Variants in PIK3C2B observed in about 807,000 individuals in gnomAD.
The protein encoded by PIK3C2B is phosphatidylinositol-4-phosphate 3-kinase catalytic subunit type 2 beta.
PIK3C2B carries 83 observed loss-of-function variants against 184.3 expected under a neutral mutation model. The ratio of observed to expected loss-of-function variants is 0.45; its 90% CI spans 0.38 to 0.54. The LOEUF is 0.54. Ranked by LOEUF, PIK3C2B falls within the 20% of genes least tolerant of loss-of-function variation. The pLI is 0.00. For missense variants in PIK3C2B, 1,736 were observed against 2,113.5 expected, an observed-to-expected ratio of 0.82 and a Z score of 3.50; for synonymous variants, 779 against 837.6, an observed-to-expected ratio of 0.93 and a Z score of 1.21.
At chr1:204,455,076 C>G (rs2103496524) in intron 11 of PIK3C2B, among the ~76,000 whole-genome samples, 1 of 152,348 alleles carries the variant, frequency 6.6e-6, no homozygotes, top group East Asian at 1.9e-4. Context: ...TTATAGAAAG[C>G]TCCAGCCCAT....
At chr1:204,489,050 C>T (rs1657828173) in intron 1 of PIK3C2B, among the ~76,000 whole-genome samples, 1 of 152,154 alleles carries the variant, frequency 6.6e-6, no homozygotes, top group South Asian at 2.1e-4. Flanking sequence ...TTTTTTCTCA[C>T]AGTCCCCTTC....
At chr1:204,470,781 A>G (rs1019176360) in intron 1 of PIK3C2B, among the ~76,000 whole-genome samples, 1 of 152,122 alleles carries the variant, frequency 6.6e-6, no homozygotes. Flanking sequence ...TGTCTATACA[A>G]TTGAATACTA....
rs143330432 is a variant in PIK3C2B at position 204,464,035 on chromosome 1, G to A, written c.1287C>T (p.Cys429=). 38 of 1,613,940 alleles carry A rather than the reference G, an allele frequency of 2.4e-5. No individual in the cohort carries two copies. The highest frequency in any genetic ancestry group is 1.7e-4 in the Admixed American group (10 of 59,984). ...ACTTCTGCAGGAACTCCTCCAGCCC[G>A]CAGGGCTTTAGCACAAAGTCACCCA... ...VDVGDFVLKP[C]GLEEFLQNKH... The change falls in exon 5 of 33, where the codon TGC becomes TGT. Residue 429 remains cysteine (C), a synonymous_variant. Coordinates refer to ENST00000684373, the MANE Select transcript of PIK3C2B (RefSeq NM_001377334.1).
Position 204,433,095 on chromosome 1 carries a change from A to C in PIK3C2B, c.3953+221T>G, listed in dbSNP as rs1675155065. Among the ~76,000 whole-genome samples, 1 of 152,240 alleles carries C rather than the reference A, an allele frequency of 6.6e-6. No individual in the cohort carries two copies. The highest frequency in any genetic ancestry group is 1.5e-5 in the Non-Finnish European group (1 of 68,046). ...AGTGATGGCAATACCCTTGTGTGCA[A>C]AGGTTAGCACCAAAACACAGATGGG... On this transcript the variant is annotated intron_variant, in intron 26 of 32. Transcript: ENST00000684373. This position sits in a 1 kb window ranked among gnomAD's most constrained non-coding sequence, Gnocchi z 5.0.
chr1:204,465,913 C>A (rs1482707007), intron 2 of PIK3C2B, among the ~76,000 whole-genome samples: 1 of 152,222 alleles, frequency 6.6e-6, no homozygotes, highest in African/African-American at 2.4e-5. Flanking sequence ...GTGGTCTGGG[C>A]AGGGGAGGAC....
In PIK3C2B at chr1:204,432,501, A is replaced by G. The variant is rs993805451; in HGVS notation, c.3954-100T>C. On this transcript the variant is annotated intron_variant, in intron 26 of 32. Transcript: ENST00000684373. Reference sequence around the variant, plus strand: ...AATATTCCTGACTCCTGAGACTAACAATCAGCTCAGATCAAACCATTTTCC... The same window carrying G: ...AATATTCCTGACTCCTGAGACTAACGATCAGCTCAGATCAAACCATTTTCC... 3 of 873,298 alleles carry G rather than the reference A, an allele frequency of 3.4e-6. No homozygotes were observed. In the African/African-American group the frequency reaches 5.0e-5, roughly 14 times the overall value. The allele number at this position is 873,298 out of a possible 1,614,324, so 54.1% of individuals were successfully genotyped here. A position where few individuals can be genotyped will look rare whatever the true frequency, so the allele number is the denominator to read the frequency against.
intron 1 of PIK3C2B, among the ~76,000 whole-genome samples, chr1:204,478,943 T>C (rs961530384): frequency 6.6e-6 from 1 of 152,242 alleles, no homozygotes; most frequent in African/African-American, 2.4e-5. Flanking sequence ...AGAAACCATT[T>C]GGTCTCATGC....
intron 21 of PIK3C2B, among the ~76,000 whole-genome samples, 197 bp downstream of exon 21, chr1:204,441,274 A>G (rs77372246): frequency 0.03 from 4,521 of 152,280 alleles, 154 homozygotes; most frequent in East Asian, 0.078. Context: ...TTGCCTCCCT[A>G]TACCTAACAC....
chr1:204,460,492 T>C (rs1410989128), intron 6 of PIK3C2B, 58 bp downstream of exon 6: 3 of 1,552,368 alleles, frequency 1.9e-6, no homozygotes, highest in Non-Finnish European at 1.8e-6. Flanking sequence ...GTGTTCTATA[T>C]TGTATTCCCA....
At chr1:204,442,401 G>A in intron 20 of PIK3C2B, 125 bp downstream of exon 20, 2 of 641,852 alleles carry the variant, frequency 3.1e-6, no homozygotes, top group Non-Finnish European at 5.6e-6. Context: ...AAGACCACAT[G>A]GTAAGTTAGC....
At chr1:204,466,740 C>T (rs755845637) in intron 2 of PIK3C2B, 6 of 469,374 alleles carry the variant, frequency 1.3e-5, no homozygotes, top group Non-Finnish European at 2.6e-5. Context: ...GTACCACTCA[C>T]TGGCACCATA....
chr1:204,491,261 C>T (rs748537078), intron 1 of PIK3C2B, among the ~76,000 whole-genome samples: 4 of 151,946 alleles, frequency 2.6e-5, no homozygotes, highest in Non-Finnish European at 5.9e-5. Flanking sequence ...TGGTGGCACA[C>T]GCCTATAATC....
At position 204,433,937 on chromosome 1, in the gene PIK3C2B, G is replaced by A. The variant is rs201298183; in HGVS notation, c.3699C>T (p.Pro1233=). The part of the protein sequence containing the change: ...MFGNIKRDRA[P]FVFTSDMAYV... The stretch of plus-strand genomic sequence containing the variant: ...ACGCCATGTCCGAGGTGAAGACAAA[G>A]GGGGCACGGTCCCTGAGCCAAGGGG... Residue 1233 remains proline, a synonymous_variant, in exon 25 of 33, where the codon CCC becomes CCT. Coordinates refer to ENST00000684373, the MANE Select transcript of PIK3C2B (RefSeq NM_001377334.1). The surrounding 1 kb of genome is among the most constrained non-coding windows in gnomAD (Gnocchi z 5.0). The A allele has an allele frequency of 6.2e-7, 1 of 1,613,802 alleles. No individual in the cohort carries two copies. Among genetic ancestry groups the A allele is most frequent in the Non-Finnish European group, 8.5e-7 (1 of 1,179,946 alleles).
chr1:204,450,334 GATGAC>G (rs1654243626), intron 12 of PIK3C2B, among the ~76,000 whole-genome samples: 1 of 152,198 alleles, frequency 6.6e-6, no homozygotes, highest in Non-Finnish European at 1.5e-5. Flanking sequence ...GAGTTCAGGT[GATGAC>G]ACGTCCCATG....
At chr1:204,460,995 G>C (rs893871220) in intron 5 of PIK3C2B, among the ~76,000 whole-genome samples, 1 of 152,176 alleles carries the variant, frequency 6.6e-6, no homozygotes, top group Admixed American at 6.5e-5. Flanking sequence ...ACATCACAGG[G>C]AGCAGTTGCT....
At chr1:204,488,226 AT>A (rs1464012352) in intron 1 of PIK3C2B, among the ~76,000 whole-genome samples, 1 of 152,050 alleles carries the variant, frequency 6.6e-6, no homozygotes, top group Non-Finnish European at 1.5e-5. Flanking sequence ...ACTGCCAGTC[AT>A]TTGATAAATG....
At chr1:204,452,575 C>A (rs1223795948) in intron 12 of PIK3C2B, among the ~76,000 whole-genome samples, 1 of 151,202 alleles carries the variant, frequency 6.6e-6, no homozygotes, top group Non-Finnish European at 1.5e-5. Context: ...TTTAATGCAG[C>A]TATCCTCTGC....
At chr1:204,489,737 G>A (rs1332884197) in intron 1 of PIK3C2B, 3 of 392,882 alleles carry the variant, frequency 7.6e-6, no homozygotes, top group Non-Finnish European at 1.3e-5. Flanking sequence ...TTAGGGAGAC[G>A]TCAATAGTTG....
At chr1:204,476,994 A>G (rs1261437709) in intron 1 of PIK3C2B, among the ~76,000 whole-genome samples, 1 of 152,180 alleles carries the variant, frequency 6.6e-6, no homozygotes, top group Admixed American at 6.5e-5. Context: ...GCTCTGCTTT[A>G]CCATTTAAAA....
Sources: gnomAD v4.1 joint callset for allele counts (sites outside exome capture counted in the v4.1 genomes callset) on GRCh38, gnomAD v4.1.1 for gene constraint, Gnocchi (gnomAD v3.1) non-coding constraint, MANE v1.5 for transcripts, NCBI Gene and HGNC (gene_info 2026-07-23, HGNC 2026-07-21) for gene names.